The following SCD5 variants were observed in gnomAD, a reference collection of about 807,000 sequenced individuals.
SCD5 encodes stearoyl-CoA desaturase 5, also known as acyl-CoA-desaturase 4.
Under a neutral mutation model 30.4 loss-of-function variants are expected in SCD5, and 20 were observed. The ratio of observed to expected loss-of-function variants is 0.66; its 90% CI spans 0.46 to 0.96. The LOEUF is 0.96. Among genes scored for constraint, SCD5 ranks in the 40% least tolerant of loss-of-function variants. The probability of loss-of-function intolerance (pLI) is 0.00; values close to 1 mark genes in which losing one functional copy is unlikely to be tolerated. For missense variants in SCD5, 381 were observed against 443.3 expected (o/e 0.86, Z 1.26); for synonymous variants, 173 against 176.4 (o/e 0.98, Z 0.16).
At chr4:82,696,279 G>A (rs1439357107) in intron 2 of SCD5, among the ~76,000 whole-genome samples, 4 of 152,190 alleles carry the variant, frequency 2.6e-5, no homozygotes, top group Non-Finnish European at 4.4e-5. Flanking sequence ...TGTATCTTTG[G>A]AGCGTGATAA....
At chr4:82,663,364 G>A (rs921467333) in intron 3 of SCD5, among the ~76,000 whole-genome samples, 1 of 152,198 alleles carries the variant, frequency 6.6e-6, no homozygotes, top group Non-Finnish European at 1.5e-5. Context: ...TCACACTCAA[G>A]CTTTTCTTTA....
At position 82,759,967 on chromosome 4, in the gene SCD5, G is replaced by C. The variant is rs536028644; in HGVS notation, c.232+38339C>G. On this transcript the variant is annotated intron_variant, in intron 1 of 4. Transcript: ENST00000319540. The stretch of plus-strand genomic sequence containing the variant: ...TGCTGGAGCCAGTCAGTCCCAGTCT[G>C]TTCCTTCCCAGCATCTATGGTGCCC... Among the ~76,000 whole-genome samples, 3 of 152,184 alleles carry C rather than the reference G, an allele frequency of 2.0e-5. No homozygotes were observed. The South Asian group carries it at 6.2e-4, about 32-fold the overall frequency.
At chr4:82,657,366 C>T (rs1041299230) in intron 3 of SCD5, among the ~76,000 whole-genome samples, 1 of 152,090 alleles carries the variant, frequency 6.6e-6, no homozygotes, top group African/African-American at 2.4e-5. Context: ...ATCCTTTTCC[C>T]ATTGCTTGTT....
At chr4:82,654,909 CAT>C (rs1441964853) in intron 3 of SCD5, among the ~76,000 whole-genome samples, 1 of 152,162 alleles carries the variant, frequency 6.6e-6, no homozygotes, top group Non-Finnish European at 1.5e-5. Flanking sequence ...AAGACCTACA[CAT>C]AGAGAATTTT....
chr4:82,752,738 C>T (rs1721132402), intron 1 of SCD5, among the ~76,000 whole-genome samples: 2 of 152,082 alleles, frequency 1.3e-5, no homozygotes, highest in Non-Finnish European at 2.9e-5. Context: ...AGTTCTTTCA[C>T]GCTTCTCTCT....
chr4:82,674,739 T>C (rs1223088316), intron 3 of SCD5, among the ~76,000 whole-genome samples: 1 of 152,128 alleles, frequency 6.6e-6, no homozygotes, highest in Non-Finnish European at 1.5e-5. Flanking sequence ...ACTGGGTGAA[T>C]GGATAAATAA....
At chr4:82,675,833 G>T (rs565036679) in intron 3 of SCD5, among the ~76,000 whole-genome samples, 1 of 152,328 alleles carries the variant, frequency 6.6e-6, no homozygotes, top group South Asian at 2.1e-4. Context: ...TAAGACTGAG[G>T]AATATGAGAT....
At chr4:82,665,568 A>T (rs1403207970) in intron 3 of SCD5, among the ~76,000 whole-genome samples, 1 of 152,094 alleles carries the variant, frequency 6.6e-6, no homozygotes, top group Non-Finnish European at 1.5e-5. Flanking sequence ...AAGAGAAAAA[A>T]CCTGACAACT....
rs1221213576 is a variant in SCD5, at chr4:82,700,009, G to C, written c.363+5274C>G. On this transcript the variant is annotated intron_variant, in intron 2 of 4. Transcript: ENST00000319540. ...AGGCAGGTGGATCACTTGAGGCCAGGAGTTTGAGACCAGCCTGACCAACAC... is the reference window on the plus strand; with the variant it reads ...AGGCAGGTGGATCACTTGAGGCCAGCAGTTTGAGACCAGCCTGACCAACAC... Among the ~76,000 whole-genome samples, 8 of 151,868 alleles carry C rather than the reference G, an allele frequency of 5.3e-5. No homozygotes were observed. In the East Asian group the frequency reaches 1.6e-3, roughly 30 times the overall value.
rs376448257 is a variant in SCD5, at chr4:82,753,541, C to T, written c.232+44765G>A. The T allele has an allele frequency of 6.0e-4, 254 of 425,786 alleles. 2 individuals are homozygous for T. In the East Asian group the frequency reaches 0.013, roughly 22 times the overall value. 26.4% of individuals were successfully genotyped at this position (425,786 alleles called of 1,614,324 possible). ...GGCTCTTTGTGGGCTGAGTCACCTG[C>T]GGGGAAGGGTTTCAGGTTAGAATGT... On this transcript the variant is annotated intron_variant, in intron 1 of 4. Coordinates refer to ENST00000319540, the MANE Select transcript of SCD5 (RefSeq NM_001037582.3).
intron 1 of SCD5, among the ~76,000 whole-genome samples, chr4:82,788,724 G>A (rs368527951): frequency 4.7e-4 from 72 of 152,252 alleles, no homozygotes; most frequent in African/African-American, 1.5e-3. Context: ...CAGCTGTGAG[G>A]ATCAGCTGTG....
intron 2 of SCD5, chr4:82,691,705 A>G (rs9654152): frequency 0.8 from 120,830 of 151,232 alleles, 48,467 homozygotes; most frequent in Middle Eastern, 0.87. Context: ...GGTGGGTGTC[A>G]GCTGCCCAAC....
chr4:82,703,455 G>A lies in SCD5; in HGVS notation c.363+1828C>T, dbSNP rs1719901268. 2.0e-5 allele frequency among the ~76,000 whole-genome samples: 3 copies of A among 152,176 alleles called. 1 individual carries two copies. Among genetic ancestry groups the A allele is most frequent in the South Asian group, 2.1e-4 (1 of 4,810 alleles). On this transcript the variant is annotated intron_variant, in intron 2 of 4. Coordinates refer to ENST00000319540, the MANE Select transcript of SCD5 (RefSeq NM_001037582.3). Reference sequence around the variant, plus strand: ...TTTTATCTTCCTAGCAACTCTGTGAGGCAAATATTATTATCCTCCCCTTGC... The same window carrying A: ...TTTTATCTTCCTAGCAACTCTGTGAAGCAAATATTATTATCCTCCCCTTGC...
intron 1 of SCD5, among the ~76,000 whole-genome samples, chr4:82,722,739 T>C (rs1343691261): frequency 3.6e-4 from 53 of 145,348 alleles, no homozygotes; most frequent in Admixed American, 1.9e-3. Context: ...CACTCCAGCA[T>C]GGGTGACAAG....
chr4:82,786,770 G>T (rs1353214082), intron 1 of SCD5, among the ~76,000 whole-genome samples: 3 of 147,224 alleles, frequency 2.0e-5, no homozygotes, highest in Non-Finnish European at 4.5e-5. Context: ...CCAGCCTGGG[G>T]GACAAGAGCG....
intron 1 of SCD5, among the ~76,000 whole-genome samples, chr4:82,749,640 C>T (rs1474079928): frequency 6.6e-6 from 1 of 152,182 alleles, no homozygotes; most frequent in Non-Finnish European, 1.5e-5. Flanking sequence ...ACACACATCC[C>T]ACTTGGTGGA....
At chr4:82,687,041 G>A (rs900954364) in intron 2 of SCD5, among the ~76,000 whole-genome samples, 2 of 151,810 alleles carry the variant, frequency 1.3e-5, no homozygotes, top group Non-Finnish European at 2.9e-5. Flanking sequence ...CATGGTGGTG[G>A]GCACCTGTAA....
chr4:82,734,673 G>C (rs1720709734), intron 1 of SCD5, among the ~76,000 whole-genome samples: 1 of 151,764 alleles, frequency 6.6e-6, no homozygotes, highest in Non-Finnish European at 1.5e-5. Context: ...TTCTCATCCT[G>C]CCATGTAACA....
chr4:82,761,725 C>G (rs1208315842), intron 1 of SCD5, among the ~76,000 whole-genome samples: 2 of 151,870 alleles, frequency 1.3e-5, no homozygotes, highest in Admixed American at 1.3e-4. Context: ...TGCTATCCCT[C>G]CCCCCTCTCC....
Sources: gnomAD v4.1 joint callset for allele counts (sites outside exome capture counted in the v4.1 genomes callset) on GRCh38, gnomAD v4.1.1 for gene constraint, MANE v1.5 for transcripts, NCBI Gene and HGNC (gene_info 2026-07-23, HGNC 2026-07-21) for gene names.